Variants in GBF1 observed in about 807,000 individuals in gnomAD.
The protein encoded by GBF1 is golgi brefeldin A resistant guanine nucleotide exchange factor 1.
In GBF1, 114 loss-of-function variants were observed where a neutral mutation model predicts 210.5. The observed-to-expected ratio is 0.54, with a 90% CI of 0.47 to 0.63. The LOEUF is 0.63. Among genes scored for constraint, GBF1 ranks in the 30% least tolerant of loss-of-function variants. GBF1 has a pLI of 0.00. For synonymous variants in GBF1, 850 were observed against 889.2 expected, an observed-to-expected ratio of 0.96 and a Z score of 0.78; for missense variants, 1,851 against 2,357.7, an observed-to-expected ratio of 0.79 and a Z score of 4.45.
intron 3 of GBF1, among the ~76,000 whole-genome samples, chr10:102,329,733 G>A (rs555229628): frequency 6.6e-6 from 1 of 152,224 alleles, no homozygotes; most frequent in African/African-American, 2.4e-5. Context: ...AAAGTGCTGG[G>A]ATTACAGGTG....
chr10:102,373,719 C>T (rs562920703), intron 29 of GBF1, among the ~76,000 whole-genome samples: 1 of 152,220 alleles, frequency 6.6e-6, no homozygotes, highest in Non-Finnish European at 1.5e-5. Flanking sequence ...ACTCTGCTGG[C>T]AGTTTCTTAT....
intron 3 of GBF1, among the ~76,000 whole-genome samples, chr10:102,332,977 A>G (rs2057448739): frequency 6.6e-6 from 1 of 152,240 alleles, no homozygotes; most frequent in Admixed American, 6.5e-5. Context: ...CCTTCCCTCC[A>G]GGCTAGACTG....
chr10:102,347,729 G>C (rs1228820876), intron 4 of GBF1, among the ~76,000 whole-genome samples: 1 of 152,132 alleles, frequency 6.6e-6, no homozygotes, highest in African/African-American at 2.4e-5. Context: ...AAGGGTTTAG[G>C]CTGCTCTTCT....
rs535789982 is a variant in GBF1, at chr10:102,247,049, T to G, written c.-11+1268T>G. Among the ~76,000 whole-genome samples the G allele has an allele frequency of 3.9e-5, 6 of 152,298 alleles. No homozygotes were observed. In the South Asian group the frequency reaches 1.2e-3, roughly 32 times the overall value. ...ACGTTATCTCTATCTGGGATTAGTT[T>G]CAGTATGTGATCAGGACTTGTGGCC... On this transcript the variant is annotated intron_variant, in intron 1 of 39. Coordinates refer to ENST00000369983, the MANE Select transcript of GBF1 (RefSeq NM_001377137.1).
intron 3 of GBF1, among the ~76,000 whole-genome samples, chr10:102,282,318 G>C (rs1293691419): frequency 6.6e-6 from 1 of 151,994 alleles, no homozygotes; most frequent in Non-Finnish European, 1.5e-5. Context: ...ATAAAACTCA[G>C]GTTCCAGAAA....
At chr10:102,257,431 C>T (rs2072564119) in intron 1 of GBF1, among the ~76,000 whole-genome samples, 1 of 152,156 alleles carries the variant, frequency 6.6e-6, no homozygotes, top group Non-Finnish European at 1.5e-5. Flanking sequence ...GCCTCAGCCT[C>T]CCCAGTAACT....
chr10:102,344,530 G>A (rs2058401821), intron 4 of GBF1, among the ~76,000 whole-genome samples: 1 of 152,100 alleles, frequency 6.6e-6, no homozygotes, highest in Non-Finnish European at 1.5e-5. Context: ...GCCCAGGCTG[G>A]AGTGCAGTGG....
intron 3 of GBF1, among the ~76,000 whole-genome samples, chr10:102,282,988 G>T (rs1309175846): frequency 6.6e-6 from 1 of 152,184 alleles, no homozygotes; most frequent in Non-Finnish European, 1.5e-5. Flanking sequence ...AAAGTAGCGG[G>T]TTACTAATGA....
chr10:102,279,749 C>T (rs933230818), intron 3 of GBF1, among the ~76,000 whole-genome samples: 15 of 152,148 alleles, frequency 9.9e-5, no homozygotes, highest in Admixed American at 6.5e-4. Context: ...GTTATTACTA[C>T]GGAGAATAGG....
chr10:102,306,755 G>A (rs1452197840), intron 3 of GBF1, among the ~76,000 whole-genome samples: 1 of 152,204 alleles, frequency 6.6e-6, no homozygotes, highest in Non-Finnish European at 1.5e-5. Flanking sequence ...TACTGATGTG[G>A]CCAAGGAATT....
chr10:102,335,951 T>C (rs1458324537), intron 3 of GBF1, among the ~76,000 whole-genome samples: 1 of 152,092 alleles, frequency 6.6e-6, no homozygotes, highest in African/African-American at 2.4e-5. Flanking sequence ...TGTGTTTGTT[T>C]TATGGTTTAG....
chr10:102,313,228 C>T (rs938333135), intron 3 of GBF1, among the ~76,000 whole-genome samples: 3 of 152,134 alleles, frequency 2.0e-5, no homozygotes, highest in African/African-American at 4.8e-5. Context: ...CAGCTTTAGG[C>T]GAGTGGCACT....
Position 102,361,899 on chromosome 10 carries a change from A to G in GBF1, c.1673A>G (p.Lys558Arg). 3 of 1,604,590 alleles carry G rather than the reference A, an allele frequency of 1.9e-6. No homozygotes were observed. The highest frequency in any genetic ancestry group is 2.6e-6 in the Non-Finnish European group (3 of 1,175,172). ...TCCAACCTCTTTGAGGAACTCACAA[A>G]GCTGCTGTCCAAGGTGCTGAGCACT... is the stretch of plus-strand genomic sequence containing the variant. Reference protein sequence around the residue: ...YCSNLFEELTKLLSKNAFPVS... With the variant: ...YCSNLFEELTRLLSKNAFPVS... The change falls in exon 14 of 40, where the codon AAG becomes AGG. Residue 558 changes from lysine (K) to arginine (R), a missense_variant. Physicochemically the swap from Lys to Arg is conservative, Grantham distance 26. Transcript: ENST00000369983.
chr10:102,233,032 G>A, the GBF1 span, among the ~76,000 whole-genome samples: 2 of 152,198 alleles, frequency 1.3e-5, no homozygotes, highest in African/African-American at 4.8e-5. Context: ...GAGCTTGTAA[G>A]CAGTGGGATT....
Position 102,370,418 on chromosome 10 carries a change from A to G in GBF1, c.3446A>G (p.Tyr1149Cys), listed in dbSNP as rs1387879473. Reference protein sequence around the residue: ...LVSVTPDEETYDEEDAAFCLE... With the variant: ...LVSVTPDEETCDEEDAAFCLE... ...TCAGTGACACCAGATGAAGAGACAT[A>G]TGATGAGGAAGATGCTGCTTTCTGC... The change falls in exon 28 of 40, where the codon TAT becomes TGT. Residue 1149 changes from tyrosine (Y) to cysteine (C), a missense_variant. Tyr to Cys is a radical substitution (Grantham distance 194). Transcript: ENST00000369983. 6.2e-7 allele frequency: 1 copy of G among 1,613,080 alleles called. No individual in the cohort carries two copies. Among genetic ancestry groups the G allele is most frequent in the East Asian group, 2.2e-5 (1 of 44,870 alleles).
rs562711918 is a variant in GBF1, at chr10:102,364,198, CTGTT to C, written c.2106+404_2106+407del. On this transcript the variant is annotated intron_variant, in intron 17 of 39. Coordinates refer to ENST00000369983, the MANE Select transcript of GBF1 (RefSeq NM_001377137.1). Reference sequence around the variant, plus strand: ...GGTTCAAATAGTAAGGTTCAAATAACTGTTTGTACTTTGGATTTCTTTTTTTTTT... The same window carrying C: ...GGTTCAAATAGTAAGGTTCAAATAACTGTACTTTGGATTTCTTTTTTTTTT... Among the ~76,000 whole-genome samples, 191 of 138,796 alleles carry C rather than the reference CTGTT, an allele frequency of 1.4e-3. 1 individual carries two copies. The highest frequency in any genetic ancestry group is 2.2e-3 in the Non-Finnish European group (139 of 64,550). 91.1% of individuals were successfully genotyped at this position (138,796 alleles called of 152,430 possible). A position where few individuals can be genotyped will look rare whatever the true frequency, so the allele number is the denominator to read the frequency against.
At chr10:102,312,157 G>A (rs575129071) in intron 3 of GBF1, among the ~76,000 whole-genome samples, 18 of 152,148 alleles carry the variant, frequency 1.2e-4, no homozygotes, top group Non-Finnish European at 2.5e-4. Flanking sequence ...TGGGCGTGGT[G>A]GCGCATGCCT....
intron 3 of GBF1, among the ~76,000 whole-genome samples, chr10:102,320,741 A>G (rs2134153721): frequency 6.6e-6 from 1 of 151,378 alleles, no homozygotes; most frequent in South Asian, 2.1e-4. Flanking sequence ...TTTTCTTTTC[A>G]CCTCAAGATC....
At chr10:102,287,723 T>C (rs1394589709) in intron 3 of GBF1, among the ~76,000 whole-genome samples, 2 of 152,162 alleles carry the variant, frequency 1.3e-5, no homozygotes, top group African/African-American at 4.8e-5. Flanking sequence ...GTGAATGATC[T>C]GAGAGAGAGC....
Sources: gnomAD v4.1 joint callset for allele counts (sites outside exome capture counted in the v4.1 genomes callset) on GRCh38, gnomAD v4.1.1 for gene constraint, MANE v1.5 for transcripts, NCBI Gene and HGNC (gene_info 2026-07-23, HGNC 2026-07-21) for gene names.